EEA1: variants seen among roughly 807,000 people sequenced by gnomAD.
EEA1 encodes early endosome antigen 1, 162kD.
EEA1 carries 111 observed loss-of-function variants against 209.2 expected under a neutral mutation model. The observed-to-expected ratio is 0.53, with a 90% CI of 0.45 to 0.62. EEA1 has a LOEUF of 0.62. EEA1 is among the 20% of genes least tolerant of loss of function. The probability of loss-of-function intolerance (pLI) is 0.00; values close to 1 mark genes in which losing one functional copy is unlikely to be tolerated. For missense variants in EEA1, 1,343 were observed against 1,530.8 expected (o/e 0.88, Z 2.05); for synonymous variants, 536 against 540.6 (o/e 0.99, Z 0.12).
intron 1 of EEA1, among the ~76,000 whole-genome samples, chr12:92,911,294 G>C (rs1037909409): frequency 6.6e-6 from 1 of 152,080 alleles, no homozygotes; most frequent in Non-Finnish European, 1.5e-5. Context: ...ATTCTCCAGC[G>C]TTAAAAAGAA....
At chr12:92,916,568 G>A (rs1230139221) in intron 1 of EEA1, among the ~76,000 whole-genome samples, 6 of 142,116 alleles carry the variant, frequency 4.2e-5, no homozygotes, top group South Asian at 2.2e-4. Context: ...CAGAATAATC[G>A]CTTGAACCTG....
intron 9 of EEA1, among the ~76,000 whole-genome samples, chr12:92,846,802 T>A (rs182784649): frequency 6.6e-6 from 1 of 152,152 alleles, no homozygotes; most frequent in Non-Finnish European, 1.5e-5. Flanking sequence ...CACAAGGACA[T>A]ACATAGTTAA....
chr12:92,850,631 A>C (rs957346257), intron 9 of EEA1, among the ~76,000 whole-genome samples: 1 of 133,486 alleles, frequency 7.5e-6, no homozygotes, highest in Admixed American at 8.4e-5. Context: ...TGGATGTTGC[A>C]GTGAGCTGAG....
At chr12:92,862,932 C>T (rs906113318) in intron 3 of EEA1, among the ~76,000 whole-genome samples, 3 of 152,132 alleles carry the variant, frequency 2.0e-5, no homozygotes, top group African/African-American at 7.2e-5. Context: ...AGAAAAAACT[C>T]TGTTTTCAAA....
chr12:92,782,039 C>T lies in EEA1; in HGVS notation c.3247G>A (p.Ala1083Thr), dbSNP rs1357055639. ...GAATCCTGCTCCAATGTAGCCTTGGCAGTCTTCAGTTCTTGAATCAATTTA... is the reference window on the plus strand; with the variant it reads ...GAATCCTGCTCCAATGTAGCCTTGGTAGTCTTCAGTTCTTGAATCAATTTA... Reference protein sequence around the residue: ...QNKLIQELKTAKATLEQDSAK... With the variant: ...QNKLIQELKTTKATLEQDSAK... The change falls in exon 23 of 29, where the codon GCC becomes ACC. Residue 1083 changes from alanine (A) to threonine (T), a missense_variant. Coordinates refer to ENST00000322349, the MANE Select transcript of EEA1 (RefSeq NM_003566.4). 3 of 1,612,996 alleles carry T rather than the reference C, an allele frequency of 1.9e-6. No individual in the cohort carries two copies. Among genetic ancestry groups the T allele is most frequent in the Non-Finnish European group, 2.5e-6 (3 of 1,179,292 alleles).
Position 92,772,259 on chromosome 12 carries a change from AT to A in EEA1, c.*3751del, listed in dbSNP as rs911603925. 3 of 152,006 alleles carry A rather than the reference AT, an allele frequency of 2.0e-5. No individual in the cohort carries two copies. Among genetic ancestry groups the A allele is most frequent in the Admixed American group, 6.6e-5 (1 of 15,242 alleles). 9.4% of individuals were successfully genotyped at this position (152,006 alleles called of 1,614,324 possible). ...CAATGAAATAAGGGGTTAATTACATATTTTTTATATTTGTTTTTAGTTTTGT... is the reference window on the plus strand; with the variant it reads ...CAATGAAATAAGGGGTTAATTACATATTTTTATATTTGTTTTTAGTTTTGT... On this transcript the variant is annotated 3_prime_UTR_variant, in exon 29 of 29. Transcript: ENST00000322349.
Position 92,777,573 on chromosome 12 carries a change from C to A in EEA1, c.3984G>T (p.Gln1328His), listed in dbSNP as rs1873711028. Residue 1328 changes from glutamine to histidine, a missense_variant, in exon 27 of 29, where the codon CAG becomes CAT. Physicochemically the swap from Gln to His is conservative, Grantham distance 24 (BLOSUM62 0). Coordinates refer to ENST00000322349, the MANE Select transcript of EEA1 (RefSeq NM_003566.4). ...RKLDNTTAAV[Q>H]ELGRENQSLQ... ...GTGATTGGTTTTCTCTGCCCAGCTC[C>A]TGCACTGCTGCAGTTGTATTATCCA... The A allele has an allele frequency of 2.5e-6, 4 of 1,612,048 alleles. No homozygotes were observed. The South Asian group carries it at 4.4e-5, about 18-fold the overall frequency.
intron 23 of EEA1, among the ~76,000 whole-genome samples, chr12:92,780,864 G>C (rs1592698367): frequency 6.6e-6 from 1 of 152,102 alleles, no homozygotes; most frequent in Non-Finnish European, 1.5e-5. Flanking sequence ...ACCAAAGCAA[G>C]TCTGTATGAT....
At chr12:92,782,229 A>G (rs1000185480) in intron 22 of EEA1, 94 bp from the exon 23 acceptor site, 1 of 1,042,802 alleles carries the variant, frequency 9.6e-7, no homozygotes, top group Non-Finnish European at 1.3e-6. Flanking sequence ...AAAGCAATAA[A>G]CTATAAAAAG....
In EEA1 at chr12:92,775,727, TTC is replaced by T; in HGVS notation, c.*282_*283del. 1 of 267,380 alleles carries T rather than the reference TTC, an allele frequency of 3.7e-6. No individual in the cohort carries two copies. Among genetic ancestry groups the T allele is most frequent in the Non-Finnish European group, 7.0e-6 (1 of 143,214 alleles). 16.6% of individuals were successfully genotyped at this position (267,380 alleles called of 1,614,324 possible). On this transcript the variant is annotated 3_prime_UTR_variant, in exon 29 of 29. Coordinates refer to ENST00000322349, the MANE Select transcript of EEA1 (RefSeq NM_003566.4). ...TATATTAAAAAAATACATTGCTATT[TTC>T]TGTCCAAAGTTTATTTACATTTCAT... is the stretch of plus-strand genomic sequence containing the variant.
intron 1 of EEA1, 23 bp from the exon 2 acceptor site, chr12:92,891,744 G>GA (rs746349828): frequency 3.0e-3 from 4,425 of 1,461,586 alleles, no homozygotes; most frequent in South Asian, 4.3e-3. Context: ...CAGTAGGGAG[G>GA]AAAAAAAAAC....
chr12:92,887,000 ACAAACAAAC>A (rs769453549), intron 2 of EEA1, among the ~76,000 whole-genome samples: 6 of 43,778 alleles, frequency 1.4e-4, no homozygotes, highest in East Asian at 5.9e-3. Flanking sequence ...CTCCATCTCA[ACAAACAAAC>A]AAACAAACAA....
intron 18 of EEA1, among the ~76,000 whole-genome samples, chr12:92,805,177 G>T (rs1875141114): frequency 6.6e-6 from 1 of 152,132 alleles, no homozygotes; most frequent in African/African-American, 2.4e-5. Flanking sequence ...TAGAGATAAT[G>T]ATGAACCATT....
chr12:92,775,942 A>T lies in EEA1; in HGVS notation c.*69T>A. ...TGTCCAAACCAAATAGTAGTCCAAGACCTCTATTAAGTACATTTATTAAAA... is the reference window on the plus strand; with the variant it reads ...TGTCCAAACCAAATAGTAGTCCAAGTCCTCTATTAAGTACATTTATTAAAA... On this transcript the variant is annotated 3_prime_UTR_variant, in exon 29 of 29. Transcript: ENST00000322349. 5 of 1,509,342 alleles carry T rather than the reference A, an allele frequency of 3.3e-6. No homozygotes were observed. The highest frequency in any genetic ancestry group is 3.6e-6 in the Non-Finnish European group (4 of 1,115,080). The allele number at this position is 1,509,342 out of a possible 1,614,324, so 93.5% of individuals were successfully genotyped here.
At chr12:92,804,133 T>C (rs946796843) in intron 18 of EEA1, among the ~76,000 whole-genome samples, 2 of 152,176 alleles carry the variant, frequency 1.3e-5, no homozygotes, top group African/African-American at 4.8e-5. Flanking sequence ...AATTGTTATT[T>C]ATAGCCACTC....
rs1344878154 is a variant in EEA1 at position 92,775,331 on chromosome 12, A to G, written c.*680T>C. On this transcript the variant is annotated 3_prime_UTR_variant, in exon 29 of 29. Coordinates refer to ENST00000322349, the MANE Select transcript of EEA1 (RefSeq NM_003566.4). ...CAACCCCAGATAACTATAAGTAAAC[A>G]AATTGATTTTACAGAGGTTTTTATA... 1 of 151,812 alleles carries G rather than the reference A, an allele frequency of 6.6e-6. No homozygotes were observed. Among genetic ancestry groups the G allele is most frequent in the Non-Finnish European group, 1.5e-5 (1 of 67,770 alleles). The allele number at this position is 151,812 out of a possible 1,614,324, so 9.4% of individuals were successfully genotyped here.
Position 92,779,282 on chromosome 12 carries a change from CTTTAAGA to C in EEA1, c.3480_3486del (p.Asn1160LysfsTer7). 1 of 1,596,980 alleles carries C rather than the reference CTTTAAGA, an allele frequency of 6.3e-7. No individual in the cohort carries two copies. The highest frequency in any genetic ancestry group is 8.5e-7 in the Non-Finnish European group (1 of 1,175,612). Reference sequence around the variant, plus strand: ...TGCTGAATTAGAAGCTGTTTAGCATCTTTAAGATTTGTTATCTCCTGTTGAAAAAGTA... The same window carrying C: ...TGCTGAATTAGAAGCTGTTTAGCATCTTTGTTATCTCCTGTTGAAAAAGTA... On this transcript the variant is annotated frameshift_variant, in exon 25 of 29. Transcript: ENST00000322349. LOFTEE classifies it high-confidence loss of function.
Position 92,788,639 on chromosome 12 carries a change from T to C in EEA1, c.2968-590A>G, listed in dbSNP as rs138622866. On this transcript the variant is annotated intron_variant, in intron 21 of 28. Coordinates refer to ENST00000322349, the MANE Select transcript of EEA1 (RefSeq NM_003566.4). ...CAAATTATGACATAGTTAAAACATA[T>C]ACATATGCATAGTATGAAAAATAGG... Among the ~76,000 whole-genome samples the C allele has an allele frequency of 1.7e-4, 26 of 152,278 alleles. No individual in the cohort carries two copies. In the East Asian group the frequency reaches 4.8e-3, roughly 28 times the overall value.
intron 21 of EEA1, among the ~76,000 whole-genome samples, chr12:92,790,564 A>C (rs1203107099): frequency 6.6e-6 from 1 of 152,116 alleles, no homozygotes; most frequent in Non-Finnish European, 1.5e-5. Context: ...AAAATAAAGC[A>C]AGAAGACAAG....
Sources: gnomAD v4.1 joint callset for allele counts (sites outside exome capture counted in the v4.1 genomes callset) on GRCh38, gnomAD v4.1.1 for gene constraint, MANE v1.5 for transcripts, NCBI Gene and HGNC (gene_info 2026-07-23, HGNC 2026-07-21) for gene names.